EXT2: variants seen among roughly 807,000 people sequenced by gnomAD.
EXT2 encodes exostosin-2.
A neutral mutation model predicts 81.6 loss-of-function variants in EXT2; 53 were observed. The ratio of observed to expected loss-of-function variants is 0.65; its 90% CI spans 0.52 to 0.82. The LOEUF (loss-of-function observed/expected upper bound fraction) is 0.82. Among genes scored for constraint, EXT2 ranks in the 40% least tolerant of loss-of-function variants. EXT2 has a pLI of 0.00. For synonymous variants in EXT2, 320 were observed against 340.0 expected (o/e 0.94, Z 0.65); for missense variants, 774 against 910.2 (o/e 0.85, Z 1.93).
chr11:44,106,217 T>C (rs1009561676), intron 1 of EXT2, among the ~76,000 whole-genome samples: 2 of 152,210 alleles, frequency 1.3e-5, no homozygotes, highest in African/African-American at 2.4e-5. Context: ...AGAAGTACCA[T>C]GCAAATTCAG....
chr11:44,119,124 T>TCATATATATATATATA (rs1555004227), intron 4 of EXT2, among the ~76,000 whole-genome samples: 1 of 25,644 alleles, frequency 3.9e-5, no homozygotes, highest in African/African-American at 7.6e-5. Flanking sequence ...ATTTGGCTAT[T>TCATATATATATATATA]TATATATATA....
chr11:44,243,196 G>A (rs1223011860), intron 13 of EXT2, among the ~76,000 whole-genome samples: 2 of 152,156 alleles, frequency 1.3e-5, no homozygotes, highest in South Asian at 2.1e-4. Context: ...CCATCCTTGA[G>A]GTCCCCTTGA....
rs999372343 is a variant in EXT2, at chr11:44,109,290, G to A, written c.626+7G>A. The A allele has an allele frequency of 1.9e-6, 3 of 1,612,488 alleles. No homozygotes were observed. In the African/African-American group the frequency reaches 4.0e-5, roughly 22 times the overall value. ...TGGATGTCCCCAGAGACAGGTAGGA[G>A]GCATATTTGGGGCTGTCCTTATGAT... On this transcript the variant is annotated splice_region_variant and intron_variant, in intron 3 of 13. Transcript: ENST00000533608.
Position 44,154,787 on chromosome 11 carries a change from T to A in EXT2, c.1174-16824T>A, listed in dbSNP as rs141870606. On this transcript the variant is annotated intron_variant, in intron 7 of 13. Transcript: ENST00000533608. The stretch of plus-strand genomic sequence containing the variant: ...GTATGAGGGTTCCATTTTCTCTACA[T>A]CCTCACCAGCATTCATTATTGCCTG... 2.0e-5 allele frequency among the ~76,000 whole-genome samples: 3 copies of A among 152,242 alleles called. No individual in the cohort carries two copies. The East Asian group carries it at 5.8e-4, about 29-fold the overall frequency.
intron 8 of EXT2, among the ~76,000 whole-genome samples, chr11:44,184,362 A>AT (rs570515762): frequency 1.3e-5 from 2 of 152,094 alleles, no homozygotes; most frequent in African/African-American, 4.8e-5. Flanking sequence ...TAAAAATTAC[A>AT]TTTTTTCTTA....
intron 6 of EXT2, among the ~76,000 whole-genome samples, chr11:44,127,692 C>T (rs908781653): frequency 6.6e-6 from 1 of 152,192 alleles, no homozygotes; most frequent in Non-Finnish European, 1.5e-5. Flanking sequence ...AGAGTAGACT[C>T]ACCTGGAGAG....
intron 1 of EXT2, among the ~76,000 whole-genome samples, chr11:44,101,322 A>C (rs1190474412): frequency 6.6e-6 from 1 of 152,136 alleles, no homozygotes; most frequent in Non-Finnish European, 1.5e-5. Flanking sequence ...GTGGTTTGCA[A>C]CCAGGGCTGA....
chr11:44,176,947 G>A (rs1037807444), intron 8 of EXT2, among the ~76,000 whole-genome samples: 4 of 148,824 alleles, frequency 2.7e-5, no homozygotes, highest in African/African-American at 4.9e-5. Context: ...AAAGGCCTAC[G>A]TGTGTCGATG....
intron 7 of EXT2, among the ~76,000 whole-genome samples, chr11:44,169,177 G>A (rs1451151557): frequency 2.0e-5 from 3 of 151,844 alleles, no homozygotes; most frequent in South Asian, 2.1e-4. Flanking sequence ...CTGAGATCGC[G>A]CCACTGCACT....
At chr11:44,153,609 G>T (rs1954820806) in intron 7 of EXT2, among the ~76,000 whole-genome samples, 2 of 151,970 alleles carry the variant, frequency 1.3e-5, no homozygotes, top group South Asian at 4.1e-4. Context: ...GAGTAGAAAA[G>T]CTTTGAATTT....
At chr11:44,142,550 T>C (rs1954660090) in intron 7 of EXT2, among the ~76,000 whole-genome samples, 1 of 152,220 alleles carries the variant, frequency 6.6e-6, no homozygotes, top group African/African-American at 2.4e-5. Context: ...GGACAAGTGG[T>C]TTTTTTCCAA....
At chr11:44,241,707 G>A (rs564129283) in intron 13 of EXT2, among the ~76,000 whole-genome samples, 2 of 152,314 alleles carry the variant, frequency 1.3e-5, no homozygotes, top group East Asian at 1.9e-4. Context: ...AGTTCTTGGT[G>A]TGTTTATACT....
intron 1 of EXT2, among the ~76,000 whole-genome samples, chr11:44,103,985 T>G (rs138862261): frequency 1.2e-4 from 19 of 152,342 alleles, no homozygotes; most frequent in African/African-American, 4.3e-4. Context: ...TGTTTTTTAA[T>G]TAATCTCTGT....
chr11:44,206,768 G>T (rs1441990129), intron 9 of EXT2, 25 bp from the exon 10 acceptor site: 2 of 1,613,520 alleles, frequency 1.2e-6, no homozygotes, highest in Non-Finnish European at 1.7e-6. Flanking sequence ...TAGGAGAATA[G>T]TAAATACCTT....
intron 10 of EXT2, among the ~76,000 whole-genome samples, chr11:44,218,683 T>A (rs1564981049): frequency 6.6e-6 from 1 of 152,074 alleles, no homozygotes; most frequent in Non-Finnish European, 1.5e-5. Context: ...AATTGGAGAA[T>A]TCCAGAGCTG....
intron 1 of EXT2, chr11:44,103,693 C>G (rs986477720): frequency 4.4e-6 from 2 of 454,668 alleles, no homozygotes; most frequent in Non-Finnish European, 8.8e-6. Flanking sequence ...GATTCAGTGT[C>G]TTTAATGTTA....
At chr11:44,146,114 C>T (rs930749746) in intron 7 of EXT2, among the ~76,000 whole-genome samples, 11 of 152,222 alleles carry the variant, frequency 7.2e-5, no homozygotes, top group Non-Finnish European at 1.5e-4. Flanking sequence ...CTCTTGCCTC[C>T]TCTTCACGTG....
At chr11:44,214,187 C>T (rs760898753) in intron 10 of EXT2, among the ~76,000 whole-genome samples, 3 of 152,038 alleles carry the variant, frequency 2.0e-5, no homozygotes, top group Non-Finnish European at 4.4e-5. Context: ...AATCTCGGCT[C>T]ACTGCAAGCT....
At chr11:44,096,955 A>G (rs1332656241) in intron 1 of EXT2, among the ~76,000 whole-genome samples, 1 of 152,216 alleles carries the variant, frequency 6.6e-6, no homozygotes, top group Non-Finnish European at 1.5e-5. Context: ...TAGATGATTC[A>G]GTTTCCATCA....
Sources: allele counts gnomAD v4.1 joint callset (sites outside exome capture counted in the v4.1 genomes callset), GRCh38; gene constraint gnomAD v4.1.1; transcripts MANE v1.5; gene names NCBI Gene and HGNC (gene_info 2026-07-23, HGNC 2026-07-21).